CCDC27: variants seen among roughly 807,000 people sequenced by gnomAD.
CCDC27 encodes the protein coiled-coil domain containing 27.
A neutral mutation model predicts 80.3 loss-of-function variants in CCDC27; 80 were observed. That is an observed-to-expected ratio of 1.00 (90% CI 0.83 to 1.20). The LOEUF is 1.20. CCDC27 is among the 50% of genes most tolerant of loss of function. CCDC27 has a pLI of 0.00. For missense variants in CCDC27, 815 were observed against 809.4 expected (o/e 1.01, Z -0.08); for synonymous variants, 342 against 334.3 (o/e 1.02, Z -0.25).
At chr1:3,754,011 C>T in intron 1 of CCDC27, 107 bp from the exon 2 acceptor site, 3 of 1,499,418 alleles carry the variant, frequency 2.0e-6, no homozygotes, top group Non-Finnish European at 2.7e-6. Flanking sequence ...TAGGCACCTG[C>T]CATTGGGGCG....
Position 3,769,830 on chromosome 1 carries a change from C to T in CCDC27, c.1791C>T (p.Ser597=), listed in dbSNP as rs771091105. ...NKIIQATFSI[S]GTKSLANEIS... is the part of the protein sequence containing the mutation. ...TCATCCAGGCCACCTTTAGCATCTC[C>T]GGGACCAAGTCCTTGGCCAACGAGA... Residue 597 remains serine, a synonymous_variant, in exon 11 of 12, where the codon TCC becomes TCT. Transcript: ENST00000294600. The surrounding 1 kb of genome is among the most constrained non-coding windows in gnomAD (Gnocchi z 4.6). The T allele has an allele frequency of 1.2e-5, 20 of 1,613,932 alleles. No homozygotes were observed. The highest frequency in any genetic ancestry group is 6.7e-5 in the East Asian group (3 of 44,890).
rs927405988 is a variant in CCDC27, at chr1:3,756,561, A to G, written c.554-172A>G. On this transcript the variant is annotated intron_variant, in intron 3 of 11. Transcript: ENST00000294600. ...CCCATCGTGTTCACAGCAGCACCAC[A>G]CTGTGTCCTCAAAATGAGGGTGACA... 5 of 657,718 alleles carry G rather than the reference A, an allele frequency of 7.6e-6. No individual in the cohort carries two copies. In the East Asian group the frequency reaches 1.4e-4, roughly 19 times the overall value. The allele number at this position is 657,718 out of a possible 1,614,324, so 40.7% of individuals were successfully genotyped here. A position where few individuals can be genotyped will look rare whatever the true frequency, so the allele number is the denominator to read the frequency against.
chr1:3,752,792 G>A lies in CCDC27; in HGVS notation c.311G>A (p.Arg104Lys), dbSNP rs76597070. ...KSVQTISRYY[R>K]KTSEPKDAAS... is the part of the protein sequence containing the mutation. ...GTCCAGACCATCAGCCGCTACTACAGGAAGACGGTATGGGGTCCCGGGAGG... is the reference window on the plus strand; with the variant it reads ...GTCCAGACCATCAGCCGCTACTACAAGAAGACGGTATGGGGTCCCGGGAGG... Residue 104 changes from arginine to lysine, a missense_variant, in exon 1 of 12, where the codon AGG (arginine) becomes AAG (lysine). Transcript: ENST00000294600. 15,293 of 1,611,598 alleles carry A rather than the reference G, an allele frequency of 9.5e-3. 85 individuals are homozygous for A. The highest frequency in any genetic ancestry group is 0.012 in the Non-Finnish European group (13,831 of 1,178,434).
chr1:3,770,555 C>G (rs973604797), intron 11 of CCDC27, among the ~76,000 whole-genome samples: 1 of 152,248 alleles, frequency 6.6e-6, no homozygotes, highest in African/African-American at 2.4e-5. Flanking sequence ...GGCTATGGCT[C>G]TGTGTGGGGC....
rs1010097912 is a variant in CCDC27 at position 3,762,642 on chromosome 1, T to C, written c.884T>C (p.Leu295Pro). 2.2e-5 allele frequency: 34 copies of C among 1,550,454 alleles called. No individual in the cohort carries two copies. In the Admixed American group the frequency reaches 3.3e-4, roughly 15 times the overall value. Residue 295 changes from leucine to proline, a missense_variant, in exon 6 of 12, where the codon CTG becomes CCG. Transcript: ENST00000294600. The stretch of plus-strand genomic sequence containing the variant: ...CAGGAGCAGCTCTCAGACGCTTCGC[T>C]GAAGCTGGGCAGGCTGAGCCTCCTG... ...GRREQLSDASLKLGRLSLLKA... is the reference protein window; with the variant it reads ...GRREQLSDASPKLGRLSLLKA...
Position 3,769,939 on chromosome 1 carries a change from G to C in CCDC27, c.1848+52G>C, listed in dbSNP as rs770179181. On this transcript the variant is annotated intron_variant, in intron 11 of 11. Coordinates refer to ENST00000294600, the MANE Select transcript of CCDC27 (RefSeq NM_152492.3). This position sits in a 1 kb window ranked among gnomAD's most constrained non-coding sequence, Gnocchi z 4.6. ...ATCCGGGCCCCAGACCCCCAGGCCA[G>C]AGCTGTGGTAGGGGGTTGTGGGGGG... is the stretch of plus-strand genomic sequence containing the variant. The C allele has an allele frequency of 7.5e-7, 1 of 1,341,122 alleles. No homozygotes were observed. The highest frequency in any genetic ancestry group is 1.1e-6 in the Non-Finnish European group (1 of 931,268). The allele number at this position is 1,341,122 out of a possible 1,614,324, so 83.1% of individuals were successfully genotyped here. A position where few individuals can be genotyped will look rare whatever the true frequency, so the allele number is the denominator to read the frequency against.
chr1:3,757,999 C>T (rs1643000968), intron 4 of CCDC27, among the ~76,000 whole-genome samples: 1 of 151,918 alleles, frequency 6.6e-6, no homozygotes, highest in South Asian at 2.1e-4. Flanking sequence ...AAGTGATCCA[C>T]TCGCCTTGGC....
Position 3,752,477 on chromosome 1 carries a change from G to C in CCDC27, c.-5G>C, listed in dbSNP as rs756233352. ...TCTCCTCCCACTGCACCAGCCAGCAGGTTCATGTTCGAGGCCATCTTCCCC... is the reference window on the plus strand; with the variant it reads ...TCTCCTCCCACTGCACCAGCCAGCACGTTCATGTTCGAGGCCATCTTCCCC... On this transcript the variant is annotated 5_prime_UTR_variant, in exon 1 of 12. Coordinates refer to ENST00000294600, the MANE Select transcript of CCDC27 (RefSeq NM_152492.3). The C allele has an allele frequency of 6.2e-7, 1 of 1,613,274 alleles. No individual in the cohort carries two copies. The highest frequency in any genetic ancestry group is 8.5e-7 in the Non-Finnish European group (1 of 1,179,558).
intron 5 of CCDC27, among the ~76,000 whole-genome samples, chr1:3,762,413 G>T (rs573374763): frequency 3.3e-5 from 5 of 152,034 alleles, no homozygotes; most frequent in Non-Finnish European, 7.4e-5. Context: ...GGTGCCTAGA[G>T]CCCCACTGCC....
intron 4 of CCDC27, 141 bp downstream of exon 4, chr1:3,757,031 C>G: frequency 3.1e-6 from 3 of 957,356 alleles, no homozygotes; most frequent in Non-Finnish European, 4.6e-6. Flanking sequence ...CTAAAATGAC[C>G]TCCAGACCCC....
chr1:3,755,655 C>A lies in CCDC27; in HGVS notation c.553+88C>A, dbSNP rs779617326. The A allele has an allele frequency of 3.8e-4, 426 of 1,121,496 alleles. 2 individuals are homozygous for A. The highest frequency in any genetic ancestry group is 5.8e-5 in the Non-Finnish European group (43 of 745,708). 69.5% of individuals were successfully genotyped at this position (1,121,496 alleles called of 1,614,324 possible). On this transcript the variant is annotated intron_variant, in intron 3 of 11. Coordinates refer to ENST00000294600, the MANE Select transcript of CCDC27 (RefSeq NM_152492.3). ...TTGCAGGGTCGCTGCTTGTGCCCTG[C>A]GGAATTCCCTCCCGGGACTGTCTGC...
Position 3,766,363 on chromosome 1 carries a change from C to G in CCDC27, c.1453-172C>G, listed in dbSNP as rs1196415345. 6.6e-6 allele frequency among the ~76,000 whole-genome samples: 1 copy of G among 152,182 alleles called. No individual in the cohort carries two copies. The highest frequency in any genetic ancestry group is 2.4e-5 in the African/African-American group (1 of 41,460). On this transcript the variant is annotated intron_variant, in intron 8 of 11. Coordinates refer to ENST00000294600, the MANE Select transcript of CCDC27 (RefSeq NM_152492.3). The surrounding 1 kb of genome is among the most constrained non-coding windows in gnomAD (Gnocchi z 6.1). ...CAGATACCACTCAGCCACCTTCAAA[C>G]TCTCCAAAATATTTTTAGTCCTTTT...
Position 3,767,432 on chromosome 1 carries a change from G to T in CCDC27, c.1730G>T (p.Ser577Ile). ...CAGCACACCCGCGTGGCCCTGGAGA[G>T]CTCCCAGTCCAGGGTATGCCCAGCC... ...AEQHTRVALE[S>I]SQSRLERLRN... is the part of the protein sequence containing the mutation. The change falls in exon 10 of 12, where the codon AGC becomes ATC. Residue 577 changes from serine to isoleucine, a missense_variant. By Grantham distance (142) the Ser-to-Ile change is moderately radical. Coordinates refer to ENST00000294600, the MANE Select transcript of CCDC27 (RefSeq NM_152492.3). The T allele has an allele frequency of 6.2e-7, 1 of 1,612,272 alleles. No homozygotes were observed. Among genetic ancestry groups the T allele is most frequent in the Non-Finnish European group, 8.5e-7 (1 of 1,179,596 alleles).
At position 3,760,298 on chromosome 1, in the gene CCDC27, T is replaced by C. The variant is rs574625343; in HGVS notation, c.712-983T>C. Among the ~76,000 whole-genome samples the C allele has an allele frequency of 1.3e-5, 2 of 152,318 alleles. No individual in the cohort carries two copies. The highest frequency in any genetic ancestry group is 4.1e-4 in the South Asian group (2 of 4,830). The stretch of plus-strand genomic sequence containing the variant: ...TTTTCCATTCCCCAAATGTTAAATG[T>C]GGCCACGTTTGCTTTATCCTTCTCT... On this transcript the variant is annotated intron_variant, in intron 4 of 11. Transcript: ENST00000294600. The surrounding 1 kb of genome is among the most constrained non-coding windows in gnomAD (Gnocchi z 4.3).
intron 3 of CCDC27, 133 bp downstream of exon 3, chr1:3,755,700 A>C (rs1642936618): frequency 6.7e-6 from 5 of 743,348 alleles, no homozygotes; most frequent in Non-Finnish European, 1.1e-5. Context: ...ACTCACACAG[A>C]AAGGCCTCCG....
At chr1:3,764,981 G>A (rs1246081417) in intron 8 of CCDC27, among the ~76,000 whole-genome samples, 7 of 148,314 alleles carry the variant, frequency 4.7e-5, no homozygotes, top group Non-Finnish European at 1.0e-4. Flanking sequence ...GTTGCAGTGA[G>A]CCAAGATTGC....
At chr1:3,752,956 G>A (rs1050117325) in intron 1 of CCDC27, among the ~76,000 whole-genome samples, 157 bp downstream of exon 1, 8 of 152,214 alleles carry the variant, frequency 5.3e-5, no homozygotes, top group Non-Finnish European at 7.3e-5. Context: ...CGAATTGAGC[G>A]CTAGGGGTGG....
intron 1 of CCDC27, among the ~76,000 whole-genome samples, chr1:3,753,555 CA>C (rs1557618442): frequency 6.6e-6 from 1 of 152,138 alleles, no homozygotes; most frequent in East Asian, 1.9e-4. Flanking sequence ...AGGCTGGTCT[CA>C]AACTCCCAAC....
chr1:3,763,368 G>T lies in CCDC27; in HGVS notation c.1215G>T (p.Glu405Asp). ...IPRRRASSLA[E>D]SFEEELLAQL... Reference sequence around the variant, plus strand: ...GGAGAAGGGCCTCCTCCCTGGCCGAGTCGTTTGAGGAGGAGCTGCTGGCCC... The same window carrying T: ...GGAGAAGGGCCTCCTCCCTGGCCGATTCGTTTGAGGAGGAGCTGCTGGCCC... The change falls in exon 7 of 12, where the codon GAG becomes GAT. Residue 405 changes from glutamate to aspartate, a missense_variant. Physicochemically the swap from Glu to Asp is conservative, Grantham distance 45. Coordinates refer to ENST00000294600, the MANE Select transcript of CCDC27 (RefSeq NM_152492.3). This position sits in a 1 kb window ranked among gnomAD's most constrained non-coding sequence, Gnocchi z 7.5. The T allele has an allele frequency of 6.2e-7, 1 of 1,613,000 alleles. No homozygotes were observed. The highest frequency in any genetic ancestry group is 1.1e-5 in the South Asian group (1 of 90,994).
Sources: allele counts gnomAD v4.1 joint callset (sites outside exome capture counted in the v4.1 genomes callset), GRCh38; gene constraint gnomAD v4.1.1; non-coding constraint Gnocchi (gnomAD v3.1); transcripts MANE v1.5; gene names NCBI Gene and HGNC (gene_info 2026-07-23, HGNC 2026-07-21).